RUFY1: variants seen among roughly 807,000 people sequenced by gnomAD.
RUFY1 encodes RUN and FYVE domain-containing protein 1.
A neutral mutation model predicts 94.6 loss-of-function variants in RUFY1; 54 were observed. The ratio of observed to expected loss-of-function variants is 0.57; its 90% confidence interval spans 0.46 to 0.72. The LOEUF (loss-of-function observed/expected upper bound fraction) is 0.72. RUFY1 is among the 30% of genes least tolerant of loss of function. The pLI, the probability that RUFY1 is intolerant of heterozygous loss-of-function variation, is 0.00. For missense variants in RUFY1, 883 were observed against 883.9 expected (o/e 1.00, Z 0.01); for synonymous variants, 396 against 347.3 (o/e 1.14, Z -1.56).
chr5:179,577,782 G>C (rs1763763356), intron 6 of RUFY1, among the ~76,000 whole-genome samples: 2 of 151,232 alleles, frequency 1.3e-5, no homozygotes, highest in African/African-American at 4.9e-5. Context: ...GAGGCGGTGG[G>C]AGCGCCGGAG....
At chr5:179,595,066 G>A in intron 12 of RUFY1, 103 bp downstream of exon 12, 1 of 813,540 alleles carries the variant, frequency 1.2e-6, no homozygotes, top group Non-Finnish European at 2.0e-6. Context: ...GGAGAGGCTG[G>A]GCGCGGTGGC....
At chr5:179,577,159 C>CTTTTT (rs748319712) in intron 6 of RUFY1, 23 bp downstream of exon 6, 2,212 of 186,636 alleles carry the variant, frequency 0.012, 317 homozygotes, top group African/African-American at 0.033. Flanking sequence ...TTGTATGTCA[C>CTTTTT]TTTTTTTTTT....
In RUFY1 at chr5:179,598,788, G is replaced by A. The variant is rs72824522; in HGVS notation, c.1728G>A (p.Arg576=). The A allele has an allele frequency of 0.1, 164,456 of 1,613,986 alleles. 8,799 individuals carry two copies. Among genetic ancestry groups the A allele is most frequent in the Middle Eastern group, 0.13 (773 of 6,062 alleles). ...AGAAAGACACTTCCTCTCTACTCAG[G>A]ATGGAGCTGCAACAAGTGGAAGGAC... The part of the protein sequence containing the change: ...QHEKDTSSLL[R]MELQQVEGLK... The change falls in exon 14 of 18, where the codon AGG becomes AGA. Residue 576 remains arginine (R), a synonymous_variant. Transcript: ENST00000319449.
At chr5:179,579,332 C>CT (rs1173269776) in intron 6 of RUFY1, among the ~76,000 whole-genome samples, 35 of 151,522 alleles carry the variant, frequency 2.3e-4, no homozygotes, top group Middle Eastern at 3.4e-3. Flanking sequence ...ATTCTTTTTT[C>CT]TTTTTTTTTG....
At position 179,589,661 on chromosome 5, in the gene RUFY1, C is replaced by A; in HGVS notation, c.1128+14C>A. The A allele has an allele frequency of 1.3e-6, 2 of 1,566,440 alleles. No homozygotes were observed. The highest frequency in any genetic ancestry group is 1.8e-6 in the Non-Finnish European group (2 of 1,136,810). On this transcript the variant is annotated intron_variant, in intron 9 of 17. Transcript: ENST00000319449. ...AAGAGTGTAGAGGTGAGAAATTGAC[C>A]TACATTTGGGCAGCATGTTTCTCAC...
intron 8 of RUFY1, 78 bp downstream of exon 8, chr5:179,585,943 T>C: frequency 8.8e-7 from 1 of 1,131,838 alleles, no homozygotes; most frequent in Non-Finnish European, 1.3e-6. Flanking sequence ...CGGTCTGCGA[T>C]AGCAGAGCTT....
chr5:179,551,004 G>C (rs1296773025), intron 1 of RUFY1, 125 bp downstream of exon 1: 5 of 841,986 alleles, frequency 5.9e-6, no homozygotes, highest in Non-Finnish European at 7.2e-6. Flanking sequence ...AGCTGTTGGC[G>C]GGCGGGCGGC....
At chr5:179,591,546 TGG>T in intron 9 of RUFY1, 77 bp from the exon 10 acceptor site, 1 of 856,044 alleles carries the variant, frequency 1.2e-6, no homozygotes, top group Non-Finnish European at 1.9e-6. Flanking sequence ...TTTAAAATTG[TGG>T]TATATTTTGA....
At chr5:179,568,291 A>T (rs7378831) in intron 4 of RUFY1, among the ~76,000 whole-genome samples, 62,908 of 152,138 alleles carry the variant, frequency 0.41, 13,455 homozygotes, top group East Asian at 0.73. Context: ...ACAGAAATTT[A>T]TGACTGGTTC....
chr5:179,586,494 C>T, intron 8 of RUFY1: 1 of 454,302 alleles, frequency 2.2e-6, no homozygotes, highest in Non-Finnish European at 4.4e-6. Context: ...CCCCGGCTGC[C>T]CAGGCCTCCC....
intron 7 of RUFY1, 74 bp downstream of exon 7, chr5:179,581,086 T>A: frequency 1.2e-6 from 1 of 867,648 alleles, no homozygotes; most frequent in South Asian, 1.5e-5. Context: ...AACTTCGAGT[T>A]GCCACGTATT....
chr5:179,581,022 C>CTTT lies in RUFY1; in HGVS notation c.956+17_956+19dup. On this transcript the variant is annotated intron_variant, in intron 7 of 17. Transcript: ENST00000319449. ...TTAACCGGCACTTGAGGTAAGACTC[C>CTTT]TTTTTTTTTCAATGTGACAGTTACA... 3.2e-6 allele frequency: 5 copies of CTTT among 1,539,618 alleles called. No individual in the cohort carries two copies. The highest frequency in any genetic ancestry group is 3.6e-6 in the Non-Finnish European group (4 of 1,123,052).
At chr5:179,581,527 G>A (rs1240557233) in intron 7 of RUFY1, among the ~76,000 whole-genome samples, 2 of 150,104 alleles carry the variant, frequency 1.3e-5, no homozygotes, top group African/African-American at 4.9e-5. Context: ...AATGTGGAGA[G>A]ACATGTTATT....
rs1554127122 is a variant in RUFY1, at chr5:179,609,610, C to CA, written c.*94dup. 8.0e-7 allele frequency: 1 copy of CA among 1,255,414 alleles called. No individual in the cohort carries two copies. The highest frequency in any genetic ancestry group is 1.1e-6 in the Non-Finnish European group (1 of 941,252). The allele number at this position is 1,255,414 out of a possible 1,614,324, so 77.8% of individuals were successfully genotyped here. ...GAAATGTGTTCTTTCCCAAGAGTAT[C>CA]AAAGGAAAGAATCAAATTTCTTGCC... On this transcript the variant is annotated 3_prime_UTR_variant, in exon 18 of 18. Transcript: ENST00000319449.
chr5:179,595,217 C>T (rs189109489), intron 12 of RUFY1, among the ~76,000 whole-genome samples: 1 of 152,026 alleles, frequency 6.6e-6, no homozygotes, highest in Non-Finnish European at 1.5e-5. Flanking sequence ...CGGTGGCTCA[C>T]GCCTGTAATC....
chr5:179,607,256 C>T (rs943663411), intron 16 of RUFY1: 1 of 362,236 alleles, frequency 2.8e-6, no homozygotes, highest in African/African-American at 2.1e-5. Context: ...GCACCAGAAG[C>T]TCGCTCTGCT....
In RUFY1 at chr5:179,550,751, G is replaced by A. The variant is rs757101992; in HGVS notation, c.182G>A (p.Gly61Asp). 1 of 1,446,416 alleles carries A rather than the reference G, an allele frequency of 6.9e-7. No homozygotes were observed. Among genetic ancestry groups the A allele is most frequent in the Non-Finnish European group, 9.1e-7 (1 of 1,099,738 alleles). The allele number at this position is 1,446,416 out of a possible 1,614,324, so 89.6% of individuals were successfully genotyped here. A position where few individuals can be genotyped will look rare whatever the true frequency, so the allele number is the denominator to read the frequency against. The change falls in exon 1 of 18, where the codon GGC becomes GAC. Residue 61 changes from glycine to aspartate, a missense_variant. Gly to Asp is a moderately conservative substitution (Grantham distance 94). Transcript: ENST00000319449. ...RSATRPRAAE[G>D]WSAPILTLAR... ...GCAACGAGGCCGCGGGCGGCCGAGG[G>A]CTGGTCGGCGCCCATCCTGACCCTG... is the stretch of plus-strand genomic sequence containing the variant.
Position 179,591,611 on chromosome 5 carries a change from C to T in RUFY1, c.1129-14C>T. ...TAAGCAAACAATTCCTCTTGGTGTC[C>T]TTGTTTGATACAGATAACAAAACAG... On this transcript the variant is annotated splice_polypyrimidine_tract_variant and intron_variant, in intron 9 of 17. Coordinates refer to ENST00000319449, the MANE Select transcript of RUFY1 (RefSeq NM_025158.5). The T allele has an allele frequency of 6.5e-7, 1 of 1,526,952 alleles. No homozygotes were observed. The highest frequency in any genetic ancestry group is 9.0e-7 in the Non-Finnish European group (1 of 1,107,072). 94.6% of individuals were successfully genotyped at this position (1,526,952 alleles called of 1,614,324 possible).
intron 3 of RUFY1, among the ~76,000 whole-genome samples, chr5:179,566,187 T>G (rs1199231236): frequency 1.3e-5 from 2 of 152,204 alleles, no homozygotes; most frequent in Admixed American, 6.5e-5. Flanking sequence ...AAGCAGCACT[T>G]GAGAGGCCTT....
Sources: allele counts gnomAD v4.1 joint callset (sites outside exome capture counted in the v4.1 genomes callset), GRCh38; gene constraint gnomAD v4.1.1; transcripts MANE v1.5; gene names NCBI Gene and HGNC (gene_info 2026-07-23, HGNC 2026-07-21).